SHOX: variants seen among roughly 807,000 people sequenced by gnomAD.
SHOX encodes SHOX homeobox, also known as short stature homeobox protein.
Under a neutral mutation model 29.6 loss-of-function variants are expected in SHOX, and 12 were observed. The ratio of observed to expected loss-of-function variants is 0.41; its 90% confidence interval spans 0.26 to 0.66. The LOEUF is 0.66. Among genes scored for constraint, SHOX ranks in the 30% least tolerant of loss-of-function variants. The probability of loss-of-function intolerance (pLI) is 0.35; values close to 1 mark genes in which losing one functional copy is unlikely to be tolerated. For missense variants in SHOX, 499 were observed against 437.7 expected (o/e 1.14, Z -1.25); for synonymous variants, 214 against 200.6 (o/e 1.07, Z -0.57).
rs1355426737 is a variant in SHOX at position 642,284 on chromosome X, G to A, written c.633+1197G>A. Among the ~76,000 whole-genome samples, 5 of 151,820 alleles carry A rather than the reference G, an allele frequency of 3.3e-5. 1 individual carries two copies. The highest frequency in any genetic ancestry group is 7.4e-5 in the Non-Finnish European group (5 of 67,970). On this transcript the variant is annotated intron_variant, in intron 4 of 4. Coordinates refer to ENST00000686671, the MANE Select transcript of SHOX (RefSeq NM_000451.4). Reference sequence around the variant, plus strand: ...TAATTTGGGGGTCGGGAGTGCATGCGCGGGCGGAACGGGCTTGGGGGGGGG... The same window carrying A: ...TAATTTGGGGGTCGGGAGTGCATGCACGGGCGGAACGGGCTTGGGGGGGGG...
upstream of SHOX, among the ~76,000 whole-genome samples, chrX:627,992 C>T (rs1304797271): frequency 6.9e-6 from 1 of 145,868 alleles, no homozygotes; most frequent in Admixed American, 7.0e-5. Flanking sequence ...GTTACCCGGC[C>T]TCTGAGGACC....
intron 2 of SHOX, among the ~76,000 whole-genome samples, chrX:635,279 A>C (rs759804465): frequency 2.9e-4 from 44 of 152,090 alleles, no homozygotes; most frequent in Admixed American, 2.4e-3. Context: ...CGTTTGATCC[A>C]GAGTGTTTTA....
rs1372049462 is a variant in SHOX at position 651,334 on chromosome X, C to T, written c.*6698C>T. On this transcript the variant is annotated 3_prime_UTR_variant, in exon 5 of 5. Transcript: ENST00000686671. ...AACAAATCACACACCGTTTCCCAAACCAACAGTCTTCACATTTCTATCCCT... is the reference window on the plus strand; with the variant it reads ...AACAAATCACACACCGTTTCCCAAATCAACAGTCTTCACATTTCTATCCCT... The T allele has an allele frequency of 2.2e-6, 1 of 455,566 alleles. No homozygotes were observed. Among genetic ancestry groups the T allele is most frequent in the Non-Finnish European group, 4.4e-6 (1 of 226,754 alleles). The allele number at this position is 455,566 out of a possible 1,614,324, so 28.2% of individuals were successfully genotyped here. A position where few individuals can be genotyped will look rare whatever the true frequency, so the allele number is the denominator to read the frequency against.
chrX:643,101 A>T (rs1476740676), intron 4 of SHOX, among the ~76,000 whole-genome samples: 1 of 144,612 alleles, frequency 6.9e-6, no homozygotes, highest in African/African-American at 2.6e-5. Context: ...GTGTCCTGGG[A>T]GAGGCTTGGG....
exon 6 of SHOX, chrX:659,252 A>T (rs1373138975): frequency 6.6e-6 from 1 of 150,888 alleles, no homozygotes; most frequent in African/African-American, 2.4e-5. Context: ...CACCCAGCTA[A>T]TTTTTTTGAT....
chrX:629,463 TTC>T (rs2052608671), upstream of SHOX, among the ~76,000 whole-genome samples: 1 of 132,236 alleles, frequency 7.6e-6, no homozygotes, highest in Non-Finnish European at 1.7e-5. Flanking sequence ...GTCTCTCCCT[TTC>T]TCTCTGTCTT....
rs112082771 is a variant in SHOX at position 648,178 on chromosome X, A to C, written c.*3542A>C. ...GTATTTTTAGTAGAGACAGGGTTTC[A>C]GCCTCCCGAGTAGCTGGGATTACAG... On this transcript the variant is annotated 3_prime_UTR_variant, in exon 5 of 5. Coordinates refer to ENST00000686671, the MANE Select transcript of SHOX (RefSeq NM_000451.4). 7.7e-5 allele frequency among the ~76,000 whole-genome samples: 3 copies of C among 38,738 alleles called. No homozygotes were observed. The East Asian group carries it at 1.7e-3, about 22-fold the overall frequency. 25.4% of individuals were successfully genotyped at this position (38,738 alleles called of 152,430 possible).
chrX:630,501 A>C, upstream of SHOX: 1 of 305,540 alleles, frequency 3.3e-6, no homozygotes, highest in Non-Finnish European at 6.1e-6. Context: ...GGCCACGGAG[A>C]GAACGCGGGT....
intron 2 of SHOX, among the ~76,000 whole-genome samples, chrX:638,091 G>A (rs2052787960): frequency 6.6e-6 from 1 of 152,158 alleles, no homozygotes; most frequent in Non-Finnish European, 1.5e-5. Flanking sequence ...CGGCATTTGG[G>A]AAAGAAAGCG....
chrX:652,805 G>C (rs1198981830), downstream of SHOX, among the ~76,000 whole-genome samples: 1 of 152,090 alleles, frequency 6.6e-6, no homozygotes, highest in African/African-American at 2.4e-5. Context: ...GTGTCTTGCC[G>C]GACAGAAGAA....
chrX:624,904 C>CTTTCTTTCTTTCTT (rs2052485772), intron 1 of SHOX, among the ~76,000 whole-genome samples: 14 of 94,850 alleles, frequency 1.5e-4, no homozygotes, highest in Non-Finnish European at 2.8e-4. Flanking sequence ...CTTTCTTTCT[C>CTTTCTTTCTTTCTT]TCTTCCTTTC....
In SHOX at chrX:651,256, C is replaced by A. The variant is rs1294204121; in HGVS notation, c.*6620C>A. On this transcript the variant is annotated 3_prime_UTR_variant, in exon 5 of 5. Coordinates refer to ENST00000686671, the MANE Select transcript of SHOX (RefSeq NM_000451.4). ...CCCATTGACGACATAGCGGCCCCCG[C>A]GTCCGGGTTACAAATACATCTACAG... The A allele has an allele frequency of 2.2e-6, 1 of 454,502 alleles. No homozygotes were observed. The allele number at this position is 454,502 out of a possible 1,614,324, so 28.2% of individuals were successfully genotyped here.
intron 2 of SHOX, among the ~76,000 whole-genome samples, chrX:636,566 C>T (rs866245415): frequency 3.3e-4 from 3 of 9,176 alleles, no homozygotes; most frequent in African/African-American, 4.3e-3. Flanking sequence ...AACATATATA[C>T]ATATAAAGAA....
At position 645,388 on chromosome X, in the gene SHOX, G is replaced by GTTTTTTTTTT. The variant is rs1398738646; in HGVS notation, c.*753_*754insTTTTTTTTTT. 30 of 77,752 alleles carry GTTTTTTTTTT rather than the reference G, an allele frequency of 3.9e-4. 7 individuals are homozygous for GTTTTTTTTTT. The highest frequency in any genetic ancestry group is 1.0e-3 in the African/African-American group (25 of 24,362). The allele number at this position is 77,752 out of a possible 1,614,324, so 4.8% of individuals were successfully genotyped here. ...TTGGGTCTGGTTTTGTTTTGGATTG[G>GTTTTTTTTTT]TATTTTTTTTTTTTTTTTTTTTTTT... On this transcript the variant is annotated 3_prime_UTR_variant, in exon 5 of 5. Coordinates refer to ENST00000686671, the MANE Select transcript of SHOX (RefSeq NM_000451.4).
rs1160233955 is a variant in SHOX, at chrX:650,578, T to C, written c.*5942T>C. Among the ~76,000 whole-genome samples, 3 of 151,826 alleles carry C rather than the reference T, an allele frequency of 2.0e-5. No individual in the cohort carries two copies. The highest frequency in any genetic ancestry group is 4.4e-5 in the Non-Finnish European group (3 of 67,982). ...CCTCTGTCCTCGCCTCTGGGTTTCA[T>C]GCTGACCTTTCTAACATTTGTTTTC... On this transcript the variant is annotated 3_prime_UTR_variant, in exon 5 of 5. Transcript: ENST00000686671.
chrX:629,125 A>C (rs1160147485), upstream of SHOX, among the ~76,000 whole-genome samples: 23 of 96,020 alleles, frequency 2.4e-4, no homozygotes, highest in South Asian at 3.1e-4. Context: ...CTCTCTCTCC[A>C]TCTCTCTCTG....
chrX:652,757 G>A (rs138114790), downstream of SHOX, among the ~76,000 whole-genome samples: 1,298 of 152,254 alleles, frequency 8.5e-3, 10 homozygotes, highest in Middle Eastern at 0.014. Flanking sequence ...GGCCTGCGTG[G>A]TCTGAAGCTC....
chrX:642,948 AGACCTGGTGTTCTGGGAGAGGCTTGGG>A (rs1471043894), intron 4 of SHOX, among the ~76,000 whole-genome samples: 17 of 65,232 alleles, frequency 2.6e-4, no homozygotes, highest in East Asian at 4.6e-4. Flanking sequence ...AGAGGCTTGG[AGACCTGGTGTTCTGGGAGAGGCTTGGG>A]GACCTGGTGT....
intron 1 of SHOX, among the ~76,000 whole-genome samples, chrX:625,600 CCTCT>C (rs1346704642): frequency 6.7e-6 from 1 of 149,618 alleles, no homozygotes; most frequent in South Asian, 2.2e-4. Flanking sequence ...TTCTCTCTCT[CCTCT>C]CTCTCTTTTT....
Sources: gnomAD v4.1 joint callset for allele counts (sites outside exome capture counted in the v4.1 genomes callset) on GRCh38, gnomAD v4.1.1 for gene constraint, MANE v1.5 for transcripts, NCBI Gene and HGNC (gene_info 2026-07-23, HGNC 2026-07-21) for gene names.